Variants in SLC24A2 observed in about 807,000 individuals in gnomAD.
The protein encoded by SLC24A2 is sodium/potassium/calcium exchanger 2.
In SLC24A2, 36 loss-of-function variants were observed where a neutral mutation model predicts 62.0. That is an observed-to-expected ratio of 0.58 (90% CI 0.44 to 0.77). The LOEUF (loss-of-function observed/expected upper bound fraction) is 0.77, where lower values mean the gene tolerates loss of function less well. Ranked by LOEUF, SLC24A2 falls within the 30% of genes least tolerant of loss-of-function variation. The pLI, the probability that SLC24A2 is intolerant of heterozygous loss-of-function variation, is 0.00. For missense variants in SLC24A2, 846 were observed against 817.9 expected, an observed-to-expected ratio of 1.03 and a Z score of -0.42; for synonymous variants, 358 against 294.0, an observed-to-expected ratio of 1.22 and a Z score of -2.23.
the SLC24A2 span, among the ~76,000 whole-genome samples, chr9:19,935,803 G>A: frequency 6.6e-6 from 1 of 152,184 alleles, no homozygotes; most frequent in Non-Finnish European, 1.5e-5. Flanking sequence ...ATGGTGAGGT[G>A]TTCACTGAGA....
intron 4 of SLC24A2, among the ~76,000 whole-genome samples, chr9:19,610,613 G>T (rs1214658142): frequency 6.6e-6 from 1 of 152,188 alleles, no homozygotes; most frequent in Admixed American, 6.5e-5. Flanking sequence ...ACTAGAGAGA[G>T]ATATATTCCA....
the SLC24A2 span, among the ~76,000 whole-genome samples, chr9:19,904,490 T>C: frequency 6.6e-6 from 1 of 152,148 alleles, no homozygotes; most frequent in East Asian, 1.9e-4. Context: ...CAAAAACTGG[T>C]CCCTAGAGAT....
the SLC24A2 span, among the ~76,000 whole-genome samples, chr9:19,861,575 A>G: frequency 6.6e-6 from 1 of 152,208 alleles, no homozygotes. Context: ...TGACCTCATT[A>G]GATGAACTAA....
chr9:20,226,650 G>C, the SLC24A2 span, among the ~76,000 whole-genome samples: 3 of 151,968 alleles, frequency 2.0e-5, no homozygotes, highest in Non-Finnish European at 4.4e-5. Context: ...CTGACATGAA[G>C]CTGGAGCAAT....
At chr9:19,842,853 T>G in the SLC24A2 span, among the ~76,000 whole-genome samples, 1 of 152,226 alleles carries the variant, frequency 6.6e-6, no homozygotes, top group Non-Finnish European at 1.5e-5. Flanking sequence ...AAGCTTCCAC[T>G]AAGCTCCCAA....
chr9:19,533,708 C>G (rs1006754264), intron 8 of SLC24A2, among the ~76,000 whole-genome samples: 48 of 152,330 alleles, frequency 3.2e-4, no homozygotes, highest in Middle Eastern at 3.4e-3. Flanking sequence ...AACTGTCCAG[C>G]TGAGCACAAC....
the SLC24A2 span, among the ~76,000 whole-genome samples, chr9:20,054,457 G>A: frequency 6.6e-6 from 1 of 152,212 alleles, no homozygotes; most frequent in Non-Finnish European, 1.5e-5. Flanking sequence ...CTCCCAAAGT[G>A]CTGGAATTAC....
the SLC24A2 span, among the ~76,000 whole-genome samples, chr9:20,146,323 T>G: frequency 6.6e-6 from 1 of 152,036 alleles, no homozygotes; most frequent in Admixed American, 6.6e-5. Flanking sequence ...GAAGTCTGAG[T>G]CTCTGACATC....
chr9:19,566,995 A>AT (rs1835678057), intron 7 of SLC24A2, among the ~76,000 whole-genome samples: 1 of 150,206 alleles, frequency 6.7e-6, no homozygotes, highest in Non-Finnish European at 1.5e-5. Context: ...GCATTAGGAG[A>AT]TATATCTAAT....
the SLC24A2 span, among the ~76,000 whole-genome samples, chr9:20,095,178 C>G: frequency 9.7e-3 from 1,474 of 152,242 alleles, 10 homozygotes; most frequent in Non-Finnish European, 0.015. Flanking sequence ...ATTAAGGTAT[C>G]CTATCTATGT....
At chr9:19,623,959 C>T (rs1397746899) in intron 2 of SLC24A2, among the ~76,000 whole-genome samples, 2 of 152,184 alleles carry the variant, frequency 1.3e-5, no homozygotes, top group Admixed American at 6.5e-5. Flanking sequence ...TCTCTAAAAA[C>T]GCTAATAGGG....
At chr9:19,930,959 C>G in the SLC24A2 span, among the ~76,000 whole-genome samples, 11 of 152,204 alleles carry the variant, frequency 7.2e-5, 1 homozygote, top group South Asian at 1.7e-3. Flanking sequence ...ATTACTAAAC[C>G]TTTGTGCTTC....
At chr9:20,097,020 C>G in the SLC24A2 span, among the ~76,000 whole-genome samples, 1 of 152,164 alleles carries the variant, frequency 6.6e-6, no homozygotes, top group Non-Finnish European at 1.5e-5. Context: ...TCTCTTTTCC[C>G]TACAACCTGA....
chr9:19,802,865 T>C, the SLC24A2 span, among the ~76,000 whole-genome samples: 2 of 152,140 alleles, frequency 1.3e-5, no homozygotes, highest in African/African-American at 4.8e-5. Context: ...TGCAATAGTA[T>C]TAGGAGATTG....
At chr9:19,809,137 A>G in the SLC24A2 span, among the ~76,000 whole-genome samples, 4 of 152,268 alleles carry the variant, frequency 2.6e-5, no homozygotes, top group East Asian at 5.8e-4. Context: ...ATGTACATGT[A>G]TAACTTTAAT....
At chr9:19,523,158 T>C (rs1303312291) in intron 9 of SLC24A2, among the ~76,000 whole-genome samples, 1 of 152,190 alleles carries the variant, frequency 6.6e-6, no homozygotes, top group Non-Finnish European at 1.5e-5. Context: ...CCCCGAAATA[T>C]AAACAAAATA....
the SLC24A2 span, among the ~76,000 whole-genome samples, chr9:20,155,148 GA>G: frequency 0.089 from 10,033 of 113,182 alleles, 731 homozygotes; most frequent in East Asian, 0.43. Context: ...AAAAGAAAAA[GA>G]AAAAAAAAAA....
chr9:19,857,500 G>A, the SLC24A2 span, among the ~76,000 whole-genome samples: 1 of 151,968 alleles, frequency 6.6e-6, no homozygotes, highest in African/African-American at 2.4e-5. Context: ...ATAAACATAG[G>A]TTGCATTTGT....
the SLC24A2 span, among the ~76,000 whole-genome samples, chr9:19,989,529 A>G: frequency 6.6e-6 from 1 of 152,204 alleles, no homozygotes; most frequent in Admixed American, 6.5e-5. Context: ...TGTGAATTCC[A>G]TAGTGTTCTT....
Sources: gnomAD v4.1 joint callset for allele counts (sites outside exome capture counted in the v4.1 genomes callset) on GRCh38, gnomAD v4.1.1 for gene constraint, MANE v1.5 for transcripts, NCBI Gene and HGNC (gene_info 2026-07-23, HGNC 2026-07-21) for gene names.